Variants in CA12 observed in about 807,000 individuals in gnomAD.
The protein encoded by CA12 is carbonic anhydrase 12, also known as carbonate dehydratase XII.
CA12 carries 36 observed loss-of-function variants against 46.8 expected under a neutral mutation model. The ratio of observed to expected loss-of-function variants is 0.77; its 90% CI spans 0.59 to 1.02. The LOEUF is 1.02. Among genes scored for constraint, CA12 ranks in the 50% least tolerant of loss-of-function variants. The pLI is 0.00. For synonymous variants in CA12, 202 were observed against 187.0 expected, an observed-to-expected ratio of 1.08 and a Z score of -0.65; for missense variants, 436 against 451.4, an observed-to-expected ratio of 0.97 and a Z score of 0.31.
intron 2 of CA12, among the ~76,000 whole-genome samples, chr15:63,358,567 C>T (rs142915224): frequency 1.3e-5 from 2 of 152,332 alleles, no homozygotes; most frequent in African/African-American, 4.8e-5. Flanking sequence ...TCCCCATCCG[C>T]CTTCCCAGCA....
chr15:63,375,422 C>T, intron 2 of CA12: 1 of 487,360 alleles, frequency 2.1e-6, no homozygotes, highest in South Asian at 2.7e-5. Context: ...AGCCTGGACA[C>T]TATGACTCAC....
Position 63,345,718 on chromosome 15 carries a change from C to T in CA12, c.287-99G>A, listed in dbSNP as rs1375472522. The T allele has an allele frequency of 4.8e-6, 7 of 1,465,428 alleles. No homozygotes were observed. In the East Asian group the frequency reaches 1.7e-4, roughly 36 times the overall value. The allele number at this position is 1,465,428 out of a possible 1,614,324, so 90.8% of individuals were successfully genotyped here. A position where few individuals can be genotyped will look rare whatever the true frequency, so the allele number is the denominator to read the frequency against. On this transcript the variant is annotated intron_variant, in intron 3 of 10. Transcript: ENST00000178638. This position sits in a 1 kb window ranked among gnomAD's most constrained non-coding sequence, Gnocchi z 4.3. Reference sequence around the variant, plus strand: ...TGCTCCCTCCACCCCTGCTGCCACCCCCTGGAGCCCAGAGAGAGGCAGGTG... The same window carrying T: ...TGCTCCCTCCACCCCTGCTGCCACCTCCTGGAGCCCAGAGAGAGGCAGGTG...
intron 1 of CA12, 133 bp from the exon 2 acceptor site, chr15:63,375,811 CTTTTT>C: frequency 2.0e-6 from 1 of 508,358 alleles, no homozygotes. Flanking sequence ...TTTTCTTTTT[CTTTTT>C]TTTTTTTTTC....
Position 63,341,963 on chromosome 15 carries a change from C to T in CA12, c.525+39G>A. 1 of 1,420,782 alleles carries T rather than the reference C, an allele frequency of 7.0e-7. No homozygotes were observed. 88.0% of individuals were successfully genotyped at this position (1,420,782 alleles called of 1,614,324 possible). A position where few individuals can be genotyped will look rare whatever the true frequency, so the allele number is the denominator to read the frequency against. On this transcript the variant is annotated intron_variant, in intron 5 of 10. Coordinates refer to ENST00000178638, the MANE Select transcript of CA12 (RefSeq NM_001218.5). The surrounding 1 kb of genome is among the most constrained non-coding windows in gnomAD (Gnocchi z 5.2). ...AGGTGGAATCCCAATCTCATCCCTG[C>T]TTCAAATTTCACCTAAGAACCTTTT...
In CA12 at chr15:63,331,051, C is replaced by G. The variant is rs1026210186; in HGVS notation, c.875-2921G>C. On this transcript the variant is annotated intron_variant, in intron 8 of 10. Coordinates refer to ENST00000178638, the MANE Select transcript of CA12 (RefSeq NM_001218.5). The surrounding 1 kb of genome is among the most constrained non-coding windows in gnomAD (Gnocchi z 5.3). ...AGGGTGTCACCCGATAGTTCCACCA[C>G]CTCAGGAAGCCCAGGGCAGGAAGGT... is the stretch of plus-strand genomic sequence containing the variant. 3.2e-4 allele frequency among the ~76,000 whole-genome samples: 49 copies of G among 152,356 alleles called. No homozygotes were observed. Among genetic ancestry groups the G allele is most frequent in the African/African-American group, 1.2e-3 (49 of 41,584 alleles).
At chr15:63,364,339 A>ACAAAC (rs1555431581) in intron 2 of CA12, among the ~76,000 whole-genome samples, 1 of 142,782 alleles carries the variant, frequency 7.0e-6, no homozygotes. Flanking sequence ...CTAGAAAAAA[A>ACAAAC]AAAAAAAAAA....
intron 8 of CA12, among the ~76,000 whole-genome samples, chr15:63,334,477 G>A (rs557692820): frequency 4.0e-5 from 6 of 150,664 alleles, no homozygotes; most frequent in Admixed American, 4.0e-4. Context: ...GGCTGGTCTC[G>A]AACTCCCAAC....
rs2039603440 is a variant in CA12, at chr15:63,378,323, G to A, written c.86-2645C>T. 6.6e-6 allele frequency among the ~76,000 whole-genome samples: 1 copy of A among 152,178 alleles called. No homozygotes were observed. The highest frequency in any genetic ancestry group is 2.4e-5 in the African/African-American group (1 of 41,428). ...GAATTGCTTGAACCCGGGAGGCGGA[G>A]GTTGCAGTGAGCTGAGATTGTGCCA... On this transcript the variant is annotated intron_variant, in intron 1 of 10. Transcript: ENST00000178638. This position sits in a 1 kb window ranked among gnomAD's most constrained non-coding sequence, Gnocchi z 4.8.
chr15:63,366,280 G>T (rs951384219), intron 2 of CA12, among the ~76,000 whole-genome samples: 4 of 152,060 alleles, frequency 2.6e-5, no homozygotes, highest in African/African-American at 7.2e-5. Flanking sequence ...GGAATCTCCA[G>T]AACATAGCAG....
At chr15:63,370,699 G>T (rs1021159951) in intron 2 of CA12, among the ~76,000 whole-genome samples, 1 of 151,826 alleles carries the variant, frequency 6.6e-6, no homozygotes, top group African/African-American at 2.4e-5. Flanking sequence ...CTTGAACCTG[G>T]GAGGCGGAGG....
intron 1 of CA12, among the ~76,000 whole-genome samples, chr15:63,381,088 G>A (rs1185124838): frequency 1.3e-5 from 2 of 151,932 alleles, no homozygotes; most frequent in African/African-American, 2.4e-5. Context: ...GCACACACAC[G>A]TACATTCAGC....
In CA12 at chr15:63,323,567, G is replaced by C. The variant is rs965565995; in HGVS notation, c.*2718C>G. On this transcript the variant is annotated 3_prime_UTR_variant, in exon 11 of 11. Coordinates refer to ENST00000178638, the MANE Select transcript of CA12 (RefSeq NM_001218.5). The surrounding 1 kb of genome is among the most constrained non-coding windows in gnomAD (Gnocchi z 5.1). ...ACATTTATAATTTCTTGTAGTTACA[G>C]TGTGTATCTTCATTATAATCATTCT... 6.6e-6 allele frequency: 1 copy of C among 152,204 alleles called. No homozygotes were observed. The highest frequency in any genetic ancestry group is 2.1e-4 in the South Asian group (1 of 4,818). The allele number at this position is 152,204 out of a possible 1,614,324, so 9.4% of individuals were successfully genotyped here. A position where few individuals can be genotyped will look rare whatever the true frequency, so the allele number is the denominator to read the frequency against.
At position 63,345,498 on chromosome 15, in the gene CA12, G is replaced by A. The variant is rs150304372; in HGVS notation, c.408C>T (p.Ser136=). 300 of 1,609,956 alleles carry A rather than the reference G, an allele frequency of 1.9e-4. No homozygotes were observed. In the African/African-American group the frequency reaches 3.1e-3, roughly 17 times the overall value. ...NDPHGSEHTV[S]GQHFAAELHI... Reference sequence around the variant, plus strand: ...TTACCTCGGCGGCGAAGTGCTGTCCGCTGACGGTGTGCTCAGAGCCGTGCG... The same window carrying A: ...TTACCTCGGCGGCGAAGTGCTGTCCACTGACGGTGTGCTCAGAGCCGTGCG... The change falls in exon 4 of 11, where the codon AGC becomes AGT. Residue 136 remains serine, a synonymous_variant. Coordinates refer to ENST00000178638, the MANE Select transcript of CA12 (RefSeq NM_001218.5). This position sits in a 1 kb window ranked among gnomAD's most constrained non-coding sequence, Gnocchi z 4.3.
At chr15:63,363,594 A>G (rs1192688643) in intron 2 of CA12, among the ~76,000 whole-genome samples, 1 of 152,238 alleles carries the variant, frequency 6.6e-6, no homozygotes, top group Non-Finnish European at 1.5e-5. Context: ...TGCATGCAGC[A>G]GGCTCAAGCT....
chr15:63,371,443 C>A (rs1354912836), intron 2 of CA12, among the ~76,000 whole-genome samples: 1 of 152,212 alleles, frequency 6.6e-6, no homozygotes, highest in Non-Finnish European at 1.5e-5. Context: ...ACTGGGCAGG[C>A]TGACCTGTAA....
intron 1 of CA12, among the ~76,000 whole-genome samples, chr15:63,377,613 C>T (rs954589843): frequency 3.3e-5 from 5 of 152,064 alleles, no homozygotes; most frequent in South Asian, 2.1e-4. Flanking sequence ...TACACTTGCA[C>T]GTGGTTTAGA....
In CA12 at chr15:63,329,849, C is replaced by T. The variant is rs1567040621; in HGVS notation, c.875-1719G>A. 6.6e-6 allele frequency among the ~76,000 whole-genome samples: 1 copy of T among 152,208 alleles called. No homozygotes were observed. The highest frequency in any genetic ancestry group is 1.5e-5 in the Non-Finnish European group (1 of 68,030). On this transcript the variant is annotated intron_variant, in intron 8 of 10. Coordinates refer to ENST00000178638, the MANE Select transcript of CA12 (RefSeq NM_001218.5). The surrounding 1 kb of genome is among the most constrained non-coding windows in gnomAD (Gnocchi z 4.8). ...CACTGCCCCTTCTCCTGTCGTATGGCCCAAGTCTAGCTGATTCCCCAGGAG... is the reference window on the plus strand; with the variant it reads ...CACTGCCCCTTCTCCTGTCGTATGGTCCAAGTCTAGCTGATTCCCCAGGAG...
Position 63,323,492 on chromosome 15 carries a change from T to C in CA12, c.*2793A>G, listed in dbSNP as rs2038821359. On this transcript the variant is annotated 3_prime_UTR_variant, in exon 11 of 11. Transcript: ENST00000178638. The surrounding 1 kb of genome is among the most constrained non-coding windows in gnomAD (Gnocchi z 5.1). ...CTACAGAGTGCTTTGCAAATAGTAA[T>C]GCTTTAACCTCGCCTCCAAAAAAAA... The C allele has an allele frequency of 6.6e-6, 1 of 152,110 alleles. No homozygotes were observed. The highest frequency in any genetic ancestry group is 1.9e-4 in the East Asian group (1 of 5,186). The allele number at this position is 152,110 out of a possible 1,614,324, so 9.4% of individuals were successfully genotyped here.
intron 4 of CA12, among the ~76,000 whole-genome samples, chr15:63,342,640 T>C (rs1478527429): frequency 2.0e-5 from 3 of 152,194 alleles, no homozygotes; most frequent in Non-Finnish European, 1.5e-5. Context: ...TAATGGGTCA[T>C]GTCCAACTCC....
Sources: allele counts gnomAD v4.1 joint callset (sites outside exome capture counted in the v4.1 genomes callset), GRCh38; gene constraint gnomAD v4.1.1; non-coding constraint Gnocchi (gnomAD v3.1); transcripts MANE v1.5; gene names NCBI Gene and HGNC (gene_info 2026-07-23, HGNC 2026-07-21).